CDH22: variants seen among roughly 807,000 people sequenced by gnomAD.
CDH22 encodes the protein cadherin-22.
In CDH22, 30 loss-of-function variants were observed where a neutral mutation model predicts 58.4. The observed-to-expected ratio is 0.51, with a 90% CI of 0.38 to 0.70. The LOEUF (loss-of-function observed/expected upper bound fraction) is 0.70, where lower values mean the gene tolerates loss of function less well. Ranked by LOEUF, CDH22 falls within the 30% of genes least tolerant of loss-of-function variation. CDH22 has a pLI of 0.00. For synonymous variants in CDH22, 513 were observed against 558.2 expected (o/e 0.92, Z 1.14); for missense variants, 1,014 against 1,233.9 (o/e 0.82, Z 2.67).
chr20:46,263,406 CTGTGTG>C (rs3081942), intron 1 of CDH22, among the ~76,000 whole-genome samples: 5 of 150,378 alleles, frequency 3.3e-5, no homozygotes, highest in East Asian at 2.0e-4. Context: ...GCCTTCCATT[CTGTGTG>C]TGTGTGTGTG....
rs1174368797 is a variant in CDH22 at position 46,210,684 on chromosome 20, G to C, written c.1033-124C>G. 5 of 880,020 alleles carry C rather than the reference G, an allele frequency of 5.7e-6. No individual in the cohort carries two copies. Among genetic ancestry groups the C allele is most frequent in the Non-Finnish European group, 6.3e-6 (4 of 631,406 alleles). 54.5% of individuals were successfully genotyped at this position (880,020 alleles called of 1,614,324 possible). ...CACGTTGTCTCAGCAGGGGCGGCAGGGATGTTTGGGCTGCATTGCAGAACT... is the reference window on the plus strand; with the variant it reads ...CACGTTGTCTCAGCAGGGGCGGCAGCGATGTTTGGGCTGCATTGCAGAACT... On this transcript the variant is annotated intron_variant, in intron 6 of 11. Transcript: ENST00000537909. The surrounding 1 kb of genome is among the most constrained non-coding windows in gnomAD (Gnocchi z 4.5).
At chr20:46,298,790 G>A (rs1486002863) in intron 1 of CDH22, among the ~76,000 whole-genome samples, 1 of 151,886 alleles carries the variant, frequency 6.6e-6, no homozygotes, top group Admixed American at 6.6e-5. Flanking sequence ...TTGGTTAATG[G>A]ACCCCAGTTC....
intron 1 of CDH22, among the ~76,000 whole-genome samples, chr20:46,303,547 C>T (rs186665384): frequency 3.9e-5 from 6 of 152,174 alleles, no homozygotes; most frequent in Admixed American, 3.3e-4. Flanking sequence ...TATGTAAATG[C>T]TTTATATGTA....
intron 3 of CDH22, among the ~76,000 whole-genome samples, chr20:46,238,470 T>G (rs2086269015): frequency 6.6e-6 from 1 of 152,206 alleles, no homozygotes; most frequent in Non-Finnish European, 1.5e-5. Context: ...CCAGACCTCC[T>G]CTGAACCTGG....
chr20:46,284,813 A>G (rs2086568600), intron 1 of CDH22, among the ~76,000 whole-genome samples: 2 of 152,134 alleles, frequency 1.3e-5, no homozygotes, highest in Admixed American at 6.5e-5. Flanking sequence ...GGAGGCATGG[A>G]GGGGATGACT....
chr20:46,207,305 G>C (rs920252520), intron 7 of CDH22, among the ~76,000 whole-genome samples: 2 of 152,344 alleles, frequency 1.3e-5, no homozygotes, highest in South Asian at 2.1e-4. Context: ...GGACTGAGAG[G>C]GGGTGTGGAG....
intron 1 of CDH22, among the ~76,000 whole-genome samples, chr20:46,256,124 A>G (rs1056596850): frequency 1.1e-4 from 16 of 152,292 alleles, no homozygotes; most frequent in African/African-American, 3.4e-4. Context: ...ACGATCTGAT[A>G]TGCATTCCTT....
chr20:46,258,806 G>A (rs2086418357), intron 1 of CDH22, among the ~76,000 whole-genome samples: 1 of 152,226 alleles, frequency 6.6e-6, no homozygotes, highest in South Asian at 2.1e-4. Flanking sequence ...CAGGAGGCAG[G>A]CACGATGTGA....
intron 8 of CDH22, among the ~76,000 whole-genome samples, chr20:46,188,849 A>T (rs1279662048): frequency 6.6e-6 from 1 of 152,016 alleles, no homozygotes; most frequent in Non-Finnish European, 1.5e-5. Flanking sequence ...CCTCAGGAAC[A>T]TCTCCTGGAG....
Position 46,300,705 on chromosome 20 carries a change from C to T in CDH22, c.-400+7550G>A, listed in dbSNP as rs911953676. Among the ~76,000 whole-genome samples the T allele has an allele frequency of 2.0e-5, 3 of 152,212 alleles. No individual in the cohort carries two copies. Among genetic ancestry groups the T allele is most frequent in the Non-Finnish European group, 4.4e-5 (3 of 68,042 alleles). The stretch of plus-strand genomic sequence containing the variant: ...CCAGCATCCTTCCCTTCCCCAGGGA[C>T]CCCCCAGTCCCCTCTTCGCTGGCCC... On this transcript the variant is annotated intron_variant, in intron 1 of 11. Coordinates refer to ENST00000537909, the MANE Select transcript of CDH22 (RefSeq NM_021248.3). This position sits in a 1 kb window ranked among gnomAD's most constrained non-coding sequence, Gnocchi z 4.4.
Position 46,178,003 on chromosome 20 carries a change from C to T in CDH22, c.1858G>A (p.Ala620Thr), listed in dbSNP as rs144477780. The T allele has an allele frequency of 3.9e-5, 63 of 1,613,858 alleles. 1 individual carries two copies. Among genetic ancestry groups the T allele is most frequent in the South Asian group, 3.1e-4 (28 of 91,078 alleles). The change falls in exon 11 of 12, where the codon GCC becomes ACC. Residue 620 changes from alanine (A) to threonine (T), a missense_variant. Coordinates refer to ENST00000537909, the MANE Select transcript of CDH22 (RefSeq NM_021248.3). ...SCNTTAFVMA[A>T]SLSPGALIAL... is the part of the protein sequence containing the mutation. ...ATGAGGGCGCCGGGGCTGAGGGAGG[C>T]GGCCATGACAAAGGCCGTGGTGTTG...
At chr20:46,271,522 A>G (rs933004552) in intron 1 of CDH22, among the ~76,000 whole-genome samples, 2 of 152,048 alleles carry the variant, frequency 1.3e-5, no homozygotes, top group Non-Finnish European at 2.9e-5. Context: ...CTGCCTGATC[A>G]TACTCACTAT....
rs372141845 is a variant in CDH22 at position 46,174,884 on chromosome 20, G to T, written c.2109C>A (p.Gly703=). ...DFGELKGGDG[G]GSAGGGAGGG... ...CGCCCGCTCCCCCGCCCGCGCTGCC[G>T]CCCCCGTCGCCGCCCTTGAGCTCGC... The change falls in exon 12 of 12, where the codon GGC becomes GGA. Residue 703 remains glycine, a synonymous_variant. Transcript: ENST00000537909. The surrounding 1 kb of genome is among the most constrained non-coding windows in gnomAD (Gnocchi z 4.4). The T allele has an allele frequency of 5.8e-4, 567 of 983,574 alleles. 4 individuals are homozygous for T. In the African/African-American group the frequency reaches 9.3e-3, roughly 16 times the overall value. 60.9% of individuals were successfully genotyped at this position (983,574 alleles called of 1,614,324 possible).
chr20:46,306,501 C>T (rs942841622), intron 1 of CDH22, among the ~76,000 whole-genome samples: 6 of 152,226 alleles, frequency 3.9e-5, no homozygotes, highest in Admixed American at 6.5e-5. Flanking sequence ...AAGTACCTGC[C>T]CCCGAGGCAC....
rs558324179 is a variant in CDH22 at position 46,199,115 on chromosome 20, A to G, written c.1423+308T>C. Among the ~76,000 whole-genome samples, 8 of 152,306 alleles carry G rather than the reference A, an allele frequency of 5.3e-5. No individual in the cohort carries two copies. In the South Asian group the frequency reaches 1.7e-3, roughly 32 times the overall value. On this transcript the variant is annotated intron_variant, in intron 8 of 11. Coordinates refer to ENST00000537909, the MANE Select transcript of CDH22 (RefSeq NM_021248.3). Reference sequence around the variant, plus strand: ...CTTGCACGTAGCAGATGCTCAATTAATGATGAGAGAAGAAAGCCTAGTTTG... The same window carrying G: ...CTTGCACGTAGCAGATGCTCAATTAGTGATGAGAGAAGAAAGCCTAGTTTG...
At chr20:46,199,338 C>G in intron 8 of CDH22, 85 bp downstream of exon 8, 1 of 1,494,034 alleles carries the variant, frequency 6.7e-7, no homozygotes, top group Non-Finnish European at 9.0e-7. Flanking sequence ...TGCCTTGGCC[C>G]TGCCCCCAGC....
At chr20:46,298,629 T>C (rs1371604066) in intron 1 of CDH22, among the ~76,000 whole-genome samples, 1 of 151,648 alleles carries the variant, frequency 6.6e-6, no homozygotes, top group African/African-American at 2.4e-5. Context: ...AATGGATGGA[T>C]TGATGAATGG....
Position 46,224,811 on chromosome 20 carries a change from G to A in CDH22, c.670+2697C>T, listed in dbSNP as rs138078696. On this transcript the variant is annotated intron_variant, in intron 4 of 11. Coordinates refer to ENST00000537909, the MANE Select transcript of CDH22 (RefSeq NM_021248.3). ...CTGCCACCCCCTATTCTCTCTTCTCGGCATCTCAATCAATCCTCACTATGA... is the reference window on the plus strand; with the variant it reads ...CTGCCACCCCCTATTCTCTCTTCTCAGCATCTCAATCAATCCTCACTATGA... 3.7e-4 allele frequency among the ~76,000 whole-genome samples: 56 copies of A among 152,082 alleles called. No individual in the cohort carries two copies. The East Asian group carries it at 8.9e-3, about 24-fold the overall frequency.
chr20:46,207,697 T>C (rs2425779), intron 7 of CDH22, among the ~76,000 whole-genome samples: 79,063 of 152,090 alleles, frequency 0.52, 21,166 homozygotes, highest in South Asian at 0.59. Context: ...GCCTCATCTT[T>C]CCCGGCCCCC....
Sources: gnomAD v4.1 joint callset for allele counts (sites outside exome capture counted in the v4.1 genomes callset) on GRCh38, gnomAD v4.1.1 for gene constraint, Gnocchi (gnomAD v3.1) non-coding constraint, MANE v1.5 for transcripts, NCBI Gene and HGNC (gene_info 2026-07-23, HGNC 2026-07-21) for gene names.